DACH2: variants seen among roughly 807,000 people sequenced by gnomAD.
The protein encoded by DACH2 is dachshund homolog 2.
In DACH2, 17 loss-of-function variants were observed where a neutral mutation model predicts 35.8. The observed-to-expected ratio is 0.48, with a 90% CI of 0.33 to 0.71. DACH2 has a LOEUF of 0.71. Among genes scored for constraint, DACH2 ranks in the 30% least tolerant of loss-of-function variants. The probability of loss-of-function intolerance (pLI) is 0.02; values close to 1 mark genes in which losing one functional copy is unlikely to be tolerated. For synonymous variants in DACH2, 195 were observed against 177.3 expected, an observed-to-expected ratio of 1.10 and a Z score of -0.79; for missense variants, 469 against 472.7, an observed-to-expected ratio of 0.99 and a Z score of 0.07.
intron 2 of DACH2, among the ~76,000 whole-genome samples, chrX:86,461,272 A>G (rs886158116): frequency 2.7e-5 from 3 of 111,565 alleles, no homozygotes; most frequent in Admixed American, 1.9e-4. Context: ...GTTAGCATAT[A>G]TTGATTAAGA....
intron 2 of DACH2, among the ~76,000 whole-genome samples, chrX:86,455,405 A>G (rs887698073): frequency 1.8e-5 from 2 of 111,676 alleles, no homozygotes; most frequent in Non-Finnish European, 3.8e-5. Context: ...ACAGAACTGC[A>G]GCGATGGTGA....
At chrX:86,509,037 AT>A (rs1332486772) in intron 2 of DACH2, among the ~76,000 whole-genome samples, 8 of 111,733 alleles carry the variant, frequency 7.2e-5, no homozygotes, top group Admixed American at 3.8e-4. Flanking sequence ...GAGCCTTAAC[AT>A]TTTAATGCAT....
rs781001747 is a variant in DACH2 at position 86,178,682 on chromosome X, C to A, written c.488+29574C>A. Among the ~76,000 whole-genome samples the A allele has an allele frequency of 3.6e-5, 4 of 110,778 alleles. No homozygotes were observed. In the South Asian group the frequency reaches 1.5e-3, roughly 43 times the overall value. ...GCTTTCTACTTTCTAGATGTATGAC[C>A]ATCTAAGCCTCAGTTTTTTCATCTA... On this transcript the variant is annotated intron_variant, in intron 1 of 11. Coordinates refer to ENST00000373125, the MANE Select transcript of DACH2 (RefSeq NM_053281.3).
chrX:86,624,050 AAAAAC>A (rs1461795405), intron 3 of DACH2, among the ~76,000 whole-genome samples: 1 of 64,154 alleles, frequency 1.6e-5, no homozygotes, highest in Non-Finnish European at 3.0e-5. Flanking sequence ...TCCGTCTCAA[AAAAAC>A]AAAACAAAAA....
intron 7 of DACH2, among the ~76,000 whole-genome samples, chrX:86,741,641 A>G (rs1318352096): frequency 9.0e-6 from 1 of 111,676 alleles, no homozygotes; most frequent in Non-Finnish European, 1.9e-5. Flanking sequence ...GATTCTAGAA[A>G]GTCTGAGAAA....
intron 2 of DACH2, among the ~76,000 whole-genome samples, chrX:86,484,811 A>C (rs949708198): frequency 1.8e-5 from 2 of 112,498 alleles, no homozygotes; most frequent in African/African-American, 6.4e-5. Context: ...TTAATGTCTT[A>C]AATTTCAAAT....
At chrX:86,208,707 A>T (rs967396276) in intron 1 of DACH2, among the ~76,000 whole-genome samples, 3 of 111,598 alleles carry the variant, frequency 2.7e-5, no homozygotes, top group East Asian at 2.8e-4. Flanking sequence ...CACGGACTTG[A>T]AGGAACCATC....
intron 2 of DACH2, among the ~76,000 whole-genome samples, chrX:86,413,005 G>C (rs910513226): frequency 9.0e-6 from 1 of 111,614 alleles, no homozygotes; most frequent in Non-Finnish European, 1.9e-5. Flanking sequence ...TTGGTTGTAG[G>C]AGAGGCCAAA....
chrX:86,645,211 A>G (rs1324612657), intron 3 of DACH2, among the ~76,000 whole-genome samples: 1 of 111,503 alleles, frequency 9.0e-6, no homozygotes, highest in Middle Eastern at 4.2e-3. Flanking sequence ...GACTTAAACA[A>G]ATTTACAAGA....
intron 6 of DACH2, among the ~76,000 whole-genome samples, chrX:86,723,748 GAGA>G (rs2041434084): frequency 8.9e-6 from 1 of 111,791 alleles, no homozygotes; most frequent in African/African-American, 3.2e-5. Context: ...ATGTGCTGAA[GAGA>G]AGAAGGAATA....
chrX:86,646,014 G>C (rs943525661), intron 3 of DACH2, among the ~76,000 whole-genome samples: 2 of 111,220 alleles, frequency 1.8e-5, no homozygotes, highest in Non-Finnish European at 3.8e-5. Context: ...ATGTTTATCT[G>C]TGTAACAGAC....
intron 2 of DACH2, among the ~76,000 whole-genome samples, chrX:86,420,835 A>G (rs1025822247): frequency 6.3e-5 from 7 of 111,784 alleles, no homozygotes; most frequent in African/African-American, 2.3e-4. Context: ...CTTAGATGTC[A>G]ATGATTTTGG....
intron 4 of DACH2, among the ~76,000 whole-genome samples, chrX:86,672,743 C>T (rs2040778838): frequency 9.0e-6 from 1 of 111,638 alleles, no homozygotes; most frequent in Non-Finnish European, 1.9e-5. Context: ...TCATGGAGAA[C>T]CTCTACTGGG....
chrX:86,587,502 G>T (rs2039589337), intron 3 of DACH2, among the ~76,000 whole-genome samples: 1 of 111,046 alleles, frequency 9.0e-6, no homozygotes, highest in African/African-American at 3.3e-5. Flanking sequence ...GTTTTCATGG[G>T]GAATACTTCC....
intron 3 of DACH2, among the ~76,000 whole-genome samples, chrX:86,544,785 C>T (rs931897293): frequency 1.8e-5 from 2 of 111,904 alleles, no homozygotes; most frequent in Admixed American, 9.5e-5. Flanking sequence ...CAAATCCGCG[C>T]ATGCCAATAT....
chrX:86,202,142 A>G lies in DACH2; in HGVS notation c.488+53034A>G, dbSNP rs909969742. 1.3e-4 allele frequency among the ~76,000 whole-genome samples: 15 copies of G among 111,792 alleles called. No individual in the cohort carries two copies. In the Admixed American group the frequency reaches 1.3e-3, roughly 10 times the overall value. On this transcript the variant is annotated intron_variant, in intron 1 of 11. Coordinates refer to ENST00000373125, the MANE Select transcript of DACH2 (RefSeq NM_053281.3). ...AATTTTCATTTATTAAGTACTGGTA[A>G]CATACTAGGCTGTGTTCTAGCTACT...
At chrX:86,725,935 A>G (rs1307327475) in intron 6 of DACH2, among the ~76,000 whole-genome samples, 1 of 111,224 alleles carries the variant, frequency 9.0e-6, no homozygotes, top group African/African-American at 3.3e-5. Context: ...ATAATAATCT[A>G]GGCTGGGAAA....
rs761609271 is a variant in DACH2, at chrX:86,344,323, C to CATATATAT, written c.489-32487_489-32480dup. 8.1e-3 allele frequency among the ~76,000 whole-genome samples: 731 copies of CATATATAT among 90,147 alleles called. 10 individuals carry two copies. Among genetic ancestry groups the CATATATAT allele is most frequent in the Admixed American group, 0.037 (282 of 7,702 alleles). 78.3% of individuals were successfully genotyped at this position (90,147 alleles called of 115,157 possible). A position where few individuals can be genotyped will look rare whatever the true frequency, so the allele number is the denominator to read the frequency against. On this transcript the variant is annotated intron_variant, in intron 1 of 11. Transcript: ENST00000373125. ...CTAAATTAAAAGGTACTTGGAAGTG[C>CATATATAT]ATATATATATATATATATATACACA...
intron 3 of DACH2, among the ~76,000 whole-genome samples, chrX:86,605,842 G>A (rs2039850843): frequency 9.1e-6 from 1 of 109,658 alleles, no homozygotes; most frequent in East Asian, 2.8e-4. Flanking sequence ...TTTGTATTGA[G>A]TCTGTTGATG....
Sources: allele counts gnomAD v4.1 joint callset (sites outside exome capture counted in the v4.1 genomes callset), GRCh38; gene constraint gnomAD v4.1.1; transcripts MANE v1.5; gene names NCBI Gene and HGNC (gene_info 2026-07-23, HGNC 2026-07-21).